Variants in SPAG16 observed in about 807,000 individuals in gnomAD.
The protein encoded by SPAG16 is sperm-associated antigen 16 protein.
A neutral mutation model predicts 80.4 loss-of-function variants in SPAG16; 86 were observed. The observed-to-expected ratio is 1.07, with a 90% CI of 0.90 to 1.28. The LOEUF (loss-of-function observed/expected upper bound fraction) is 1.28. Ranked by LOEUF, SPAG16 falls within the 50% of genes most tolerant of loss-of-function variation. The probability of loss-of-function intolerance (pLI) is 0.00; values close to 1 mark genes in which losing one functional copy is unlikely to be tolerated. For synonymous variants in SPAG16, 294 were observed against 265.9 expected, an observed-to-expected ratio of 1.11 and a Z score of -1.03; for missense variants, 870 against 765.3, an observed-to-expected ratio of 1.14 and a Z score of -1.61.
intron 15 of SPAG16, among the ~76,000 whole-genome samples, chr2:214,305,454 A>G (rs963532381): frequency 5.9e-5 from 9 of 152,108 alleles, no homozygotes; most frequent in African/African-American, 2.2e-4. Flanking sequence ...GCCTGTGCCT[A>G]TGTCCTTAAT....
At chr2:213,543,726 C>T (rs1027379716) in intron 10 of SPAG16, among the ~76,000 whole-genome samples, 16 of 151,876 alleles carry the variant, frequency 1.1e-4, no homozygotes, top group African/African-American at 3.9e-4. Context: ...GTATAATGAG[C>T]CTCCCCACTT....
intron 8 of SPAG16, among the ~76,000 whole-genome samples, chr2:213,372,600 A>G (rs1245323781): frequency 6.6e-6 from 1 of 152,100 alleles, no homozygotes; most frequent in Non-Finnish European, 1.5e-5. Flanking sequence ...TTCAAATATA[A>G]CATCTTCTTA....
chr2:213,509,242 C>T (rs563281298), intron 10 of SPAG16, among the ~76,000 whole-genome samples: 56 of 152,096 alleles, frequency 3.7e-4, no homozygotes, highest in Non-Finnish European at 6.8e-4. Context: ...GTGATCCACC[C>T]GCCTCGGCCT....
intron 10 of SPAG16, among the ~76,000 whole-genome samples, chr2:213,599,237 T>C (rs1162489372): frequency 2.0e-5 from 3 of 152,130 alleles, no homozygotes; most frequent in African/African-American, 7.2e-5. Flanking sequence ...TTCTGGAGGG[T>C]TATCTGAGAA....
In SPAG16 at chr2:213,980,710, G is replaced by GTATATATATA. The variant is rs1320481683; in HGVS notation, c.1401-33240_1401-33239insATATATATAT. On this transcript the variant is annotated intron_variant, in intron 12 of 15. Transcript: ENST00000331683. The stretch of plus-strand genomic sequence containing the variant: ...ATATAGAATATATGTGTGTGTGTGT[G>GTATATATATA]TGTATATATATATATAGAGAGAGAG... Among the ~76,000 whole-genome samples the GTATATATATA allele has an allele frequency of 9.6e-4, 113 of 117,148 alleles. 3 individuals are homozygous for GTATATATATA. The highest frequency in any genetic ancestry group is 3.6e-3 in the African/African-American group (97 of 27,172). The allele number at this position is 117,148 out of a possible 152,430, so 76.9% of individuals were successfully genotyped here. A position where few individuals can be genotyped will look rare whatever the true frequency, so the allele number is the denominator to read the frequency against.
intron 1 of SPAG16, among the ~76,000 whole-genome samples, chr2:213,292,329 A>T (rs1482010311): frequency 6.6e-6 from 1 of 152,170 alleles, no homozygotes; most frequent in African/African-American, 2.4e-5. Flanking sequence ...AAAGAGGCTG[A>T]CTTCCTCTAG....
Position 213,514,470 on chromosome 2 carries a change from A to T in SPAG16, c.1070+24380A>T, listed in dbSNP as rs548298726. Among the ~76,000 whole-genome samples the T allele has an allele frequency of 1.4e-4, 21 of 151,530 alleles. No individual in the cohort carries two copies. In the East Asian group the frequency reaches 3.7e-3, roughly 26 times the overall value. ...TAGAAATTTATAATTTTGTCGGCAT[A>T]TTTTTTTTTATTATACTTTAAGTTT... On this transcript the variant is annotated intron_variant, in intron 10 of 15. Coordinates refer to ENST00000331683, the MANE Select transcript of SPAG16 (RefSeq NM_024532.5).
At chr2:213,850,712 T>C (rs1012969439) in intron 10 of SPAG16, among the ~76,000 whole-genome samples, 1 of 152,090 alleles carries the variant, frequency 6.6e-6, no homozygotes, top group Non-Finnish European at 1.5e-5. Flanking sequence ...GATTTTCTTC[T>C]GGGTAGAAAA....
At chr2:213,748,015 A>C (rs1230732637) in intron 10 of SPAG16, among the ~76,000 whole-genome samples, 1 of 152,222 alleles carries the variant, frequency 6.6e-6, no homozygotes, top group Non-Finnish European at 1.5e-5. Context: ...GATTATTGTT[A>C]ATAATACCCT....
chr2:213,921,582 G>T (rs2078226897), intron 11 of SPAG16, among the ~76,000 whole-genome samples: 2 of 152,144 alleles, frequency 1.3e-5, no homozygotes, highest in South Asian at 4.1e-4. Flanking sequence ...CATATTGTTA[G>T]CTGGTTATTA....
At chr2:213,556,312 C>CAAAAAAAAAAAAAAAAAA (rs35010847) in intron 10 of SPAG16, among the ~76,000 whole-genome samples, 1 of 112,838 alleles carries the variant, frequency 8.9e-6, no homozygotes. Context: ...AAAAAAAAAC[C>CAAAAAAAAAAAAAAAAAA]AAAAAAAAAA....
chr2:213,417,322 T>G (rs1233435740), intron 9 of SPAG16, among the ~76,000 whole-genome samples: 2 of 152,254 alleles, frequency 1.3e-5, no homozygotes, highest in East Asian at 3.8e-4. Context: ...TCAGGGCTTT[T>G]GCAAATGCCA....
intron 11 of SPAG16, among the ~76,000 whole-genome samples, chr2:213,929,633 C>CCA (rs55683310): frequency 0.58 from 88,626 of 151,846 alleles, 28,141 homozygotes; most frequent in South Asian, 0.84. Context: ...GCCCGATCAT[C>CCA]CAGAGCCTAA....
rs555586863 is a variant in SPAG16, at chr2:213,467,043, C to T, written c.943-22920C>T. 7.7e-4 allele frequency among the ~76,000 whole-genome samples: 117 copies of T among 152,310 alleles called. No homozygotes were observed. In the Middle Eastern group the frequency reaches 0.01, roughly 13 times the overall value. On this transcript the variant is annotated intron_variant, in intron 9 of 15. Transcript: ENST00000331683. ...AGGGATTGAGAACCACCAGATATAT[C>T]GGAACCACAGCCTCATTTATGAGGT... is the stretch of plus-strand genomic sequence containing the variant.
chr2:214,257,511 T>C (rs1215845195), intron 15 of SPAG16, among the ~76,000 whole-genome samples: 1 of 152,100 alleles, frequency 6.6e-6, no homozygotes, highest in Non-Finnish European at 1.5e-5. Flanking sequence ...TTGTAGTTTC[T>C]TAATAGCTTC....
At chr2:213,960,758 A>G (rs1244717836) in intron 12 of SPAG16, among the ~76,000 whole-genome samples, 4 of 152,148 alleles carry the variant, frequency 2.6e-5, no homozygotes, top group Non-Finnish European at 5.9e-5. Context: ...CCAAGAGGGG[A>G]AAAAGAGAAA....
chr2:213,536,001 A>T (rs1451164785), intron 10 of SPAG16, among the ~76,000 whole-genome samples: 1 of 152,174 alleles, frequency 6.6e-6, no homozygotes, highest in Non-Finnish European at 1.5e-5. Context: ...AAGGAAATTT[A>T]AAGCATATTT....
chr2:213,808,971 G>T (rs1304206451), intron 10 of SPAG16, among the ~76,000 whole-genome samples: 1 of 152,122 alleles, frequency 6.6e-6, no homozygotes, highest in Non-Finnish European at 1.5e-5. Flanking sequence ...ATTGAAAAAA[G>T]GAGAATCTGG....
intron 13 of SPAG16, among the ~76,000 whole-genome samples, chr2:214,030,707 C>A (rs1467083788): frequency 6.6e-6 from 1 of 152,146 alleles, no homozygotes; most frequent in Non-Finnish European, 1.5e-5. Context: ...CCAAAATAAA[C>A]CTAGGAGACT....
Sources: gnomAD v4.1 joint callset for allele counts (sites outside exome capture counted in the v4.1 genomes callset) on GRCh38, gnomAD v4.1.1 for gene constraint, MANE v1.5 for transcripts, NCBI Gene and HGNC (gene_info 2026-07-23, HGNC 2026-07-21) for gene names.